ZMYND11: variants seen among roughly 807,000 people sequenced by gnomAD.
ZMYND11 encodes the protein zinc finger MYND-type containing 11, also known as zinc finger MYND domain-containing protein 11.
ZMYND11 carries 9 observed loss-of-function variants against 84.9 expected under a neutral mutation model. The ratio of observed to expected loss-of-function variants is 0.11; its 90% CI spans 0.06 to 0.18. The LOEUF (loss-of-function observed/expected upper bound fraction) is 0.18, where lower values mean the gene tolerates loss of function less well. ZMYND11 is among the 10% of genes least tolerant of loss of function. The pLI is 1.00. For missense variants in ZMYND11, 409 were observed against 761.0 expected, an observed-to-expected ratio of 0.54 and a Z score of 5.44; for synonymous variants, 250 against 244.1, an observed-to-expected ratio of 1.02 and a Z score of -0.23.
At chr10:158,158 CTAATATCAG>C (rs1842121017) in intron 1 of ZMYND11, among the ~76,000 whole-genome samples, 1 of 152,106 alleles carries the variant, frequency 6.6e-6, no homozygotes, top group African/African-American at 2.4e-5. Context: ...CACTTTTAGG[CTAATATCAG>C]TAATACTGCG....
Position 233,452 on chromosome 10 carries a change from G to A in ZMYND11, c.439-3386G>A, listed in dbSNP as rs575598838. 2.0e-4 allele frequency among the ~76,000 whole-genome samples: 31 copies of A among 152,352 alleles called. No individual in the cohort carries two copies. In the South Asian group the frequency reaches 3.7e-3, roughly 18 times the overall value. On this transcript the variant is annotated intron_variant, in intron 4 of 14. Transcript: ENST00000381604. ...CTAGAACTTTTTAGAAGTAGATGTT[G>A]ATGTTTCTTAAAGGGTTCCCAGGTG...
intron 1 of ZMYND11, among the ~76,000 whole-genome samples, chr10:173,166 C>A (rs1845765689): frequency 6.6e-6 from 1 of 152,024 alleles, no homozygotes; most frequent in Admixed American, 6.6e-5. Flanking sequence ...TAGGAGGAAA[C>A]CTAGATTACC....
chr10:167,779 G>A (rs1229447425), intron 1 of ZMYND11, among the ~76,000 whole-genome samples: 3 of 151,902 alleles, frequency 2.0e-5, no homozygotes, highest in Non-Finnish European at 4.4e-5. Flanking sequence ...TTATAGACTA[G>A]ATTAATTTCT....
chr10:252,610 C>T lies in ZMYND11; in HGVS notation c.*140C>T. 8.0e-7 allele frequency: 1 copy of T among 1,255,490 alleles called. No individual in the cohort carries two copies. Among genetic ancestry groups the T allele is most frequent in the Admixed American group, 3.1e-5 (1 of 32,246 alleles). 77.8% of individuals were successfully genotyped at this position (1,255,490 alleles called of 1,614,324 possible). A position where few individuals can be genotyped will look rare whatever the true frequency, so the allele number is the denominator to read the frequency against. ...ACACTTTTCGTGAAGAAATTTTGCA[C>T]AGTAGTTTAAATCTTTTGTTAATGC... is the stretch of plus-strand genomic sequence containing the variant. On this transcript the variant is annotated 3_prime_UTR_variant, in exon 15 of 15. Coordinates refer to ENST00000381604, the MANE Select transcript of ZMYND11 (RefSeq NM_001370100.5). This position sits in a 1 kb window ranked among gnomAD's most constrained non-coding sequence, Gnocchi z 4.6.
chr10:138,110 G>T (rs1208687569), intron 1 of ZMYND11, among the ~76,000 whole-genome samples: 43 of 133,034 alleles, frequency 3.2e-4, no homozygotes, highest in Non-Finnish European at 4.4e-4. Flanking sequence ...TTCTGTTGGC[G>T]TTTTTTTTTT....
intron 1 of ZMYND11, among the ~76,000 whole-genome samples, chr10:164,186 A>T (rs1554762981): frequency 6.6e-6 from 1 of 152,096 alleles, no homozygotes; most frequent in Non-Finnish European, 1.5e-5. Context: ...TATAGCTCTC[A>T]TCTGCTTTTC....
intron 4 of ZMYND11, among the ~76,000 whole-genome samples, chr10:230,246 G>A (rs1339485555): frequency 6.6e-6 from 1 of 151,948 alleles, no homozygotes; most frequent in Non-Finnish European, 1.5e-5. Context: ...AGGCCGAGGC[G>A]GGCGGATCAT....
chr10:144,525 T>A (rs1838253145), intron 1 of ZMYND11, among the ~76,000 whole-genome samples: 1 of 151,992 alleles, frequency 6.6e-6, no homozygotes, highest in Admixed American at 6.6e-5. Context: ...CCTGGCCTAT[T>A]TTTTAAAATA....
intron 1 of ZMYND11, among the ~76,000 whole-genome samples, chr10:164,946 G>A (rs1843655201): frequency 2.0e-5 from 3 of 151,622 alleles, no homozygotes; most frequent in Admixed American, 1.3e-4. Context: ...TCTGATTTTT[G>A]AAAAATCATG....
intron 1 of ZMYND11, among the ~76,000 whole-genome samples, chr10:150,767 A>C (rs1554756802): frequency 6.6e-6 from 1 of 152,214 alleles, no homozygotes; most frequent in African/African-American, 2.4e-5. Context: ...TTGAGATCTG[A>C]GAACGGACAG....
At chr10:188,363 G>C (rs942422141) in intron 2 of ZMYND11, among the ~76,000 whole-genome samples, 8 of 151,776 alleles carry the variant, frequency 5.3e-5, no homozygotes, top group Admixed American at 5.2e-4. Context: ...GAGGCAGGTG[G>C]ATCGCTTGAG....
rs1337453612 is a variant in ZMYND11 at position 239,492 on chromosome 10, T to C, written c.664T>C (p.Leu222=). ...SYEEFKADAQ[L]LLHNTVIFYG... ...TGAAGAGTTCAAAGCTGATGCCCAA[T>C]TGCTTCTCCACAATACCGTGATTTT... The change falls in exon 7 of 15, where the codon TTG becomes CTG. Residue 222 remains leucine, a synonymous_variant. Transcript: ENST00000381604. 5 of 1,613,554 alleles carry C rather than the reference T, an allele frequency of 3.1e-6. No homozygotes were observed. Among genetic ancestry groups the C allele is most frequent in the Admixed American group, 3.3e-5 (2 of 59,966 alleles).
upstream of ZMYND11, among the ~76,000 whole-genome samples, chr10:133,993 A>G (rs1405729040): frequency 6.6e-6 from 1 of 152,158 alleles, no homozygotes; most frequent in Non-Finnish European, 1.5e-5. Context: ...GCAGATTGAT[A>G]TATTTTATCA....
chr10:134,624 T>A (rs1564237826), upstream of ZMYND11: 1 of 152,134 alleles, frequency 6.6e-6, no homozygotes, highest in South Asian at 2.1e-4. Flanking sequence ...ACCTAAACAA[T>A]GTTGTTAAGA....
At chr10:246,036 A>G (rs766894922) in intron 10 of ZMYND11, among the ~76,000 whole-genome samples, 19 of 152,298 alleles carry the variant, frequency 1.2e-4, no homozygotes, top group South Asian at 1.0e-3. Flanking sequence ...TGAACACAAC[A>G]TTTGGGATGG....
chr10:221,335 C>T lies in ZMYND11; in HGVS notation c.417C>T (p.Pro139=). ...DEFRLRDSSS[P]WQCPVCRSIK... ...TCAGGCTTAGAGACAGCAGTAGTCCCTGGCAGTGCCCAGTTTGCAGGGTGA... is the reference window on the plus strand; with the variant it reads ...TCAGGCTTAGAGACAGCAGTAGTCCTTGGCAGTGCCCAGTTTGCAGGGTGA... Residue 139 remains proline, a synonymous_variant, in exon 4 of 15, where the codon CCC becomes CCT. Transcript: ENST00000381604. 1 of 1,613,682 alleles carries T rather than the reference C, an allele frequency of 6.2e-7. No homozygotes were observed. The highest frequency in any genetic ancestry group is 1.1e-5 in the South Asian group (1 of 91,018).
intron 1 of ZMYND11, among the ~76,000 whole-genome samples, chr10:151,980 A>G (rs1840484117): frequency 6.6e-6 from 1 of 152,206 alleles, no homozygotes; most frequent in Non-Finnish European, 1.5e-5. Context: ...TCATAAGTGA[A>G]GAAGAAATAA....
intron 1 of ZMYND11, among the ~76,000 whole-genome samples, chr10:145,202 GTGTATATATA>G (rs1838494552): frequency 6.7e-6 from 1 of 148,660 alleles, no homozygotes; most frequent in South Asian, 2.1e-4. Context: ...ACATATGTGT[GTGTATATATA>G]TGTATATATG....
intron 1 of ZMYND11, among the ~76,000 whole-genome samples, chr10:161,647 T>G (rs1842960927): frequency 6.6e-6 from 1 of 152,224 alleles, no homozygotes; most frequent in Non-Finnish European, 1.5e-5. Flanking sequence ...ACTTGCTGTT[T>G]CCTCCTGTAC....
Sources: gnomAD v4.1 joint callset for allele counts (sites outside exome capture counted in the v4.1 genomes callset) on GRCh38, gnomAD v4.1.1 for gene constraint, Gnocchi (gnomAD v3.1) non-coding constraint, MANE v1.5 for transcripts, NCBI Gene and HGNC (gene_info 2026-07-23, HGNC 2026-07-21) for gene names.